CCBE1: variants seen among roughly 807,000 people sequenced by gnomAD.
CCBE1 encodes the protein collagen and calcium binding EGF domains 1, also known as collagen and calcium-binding EGF domain-containing protein 1.
In CCBE1, 37 loss-of-function variants were observed where a neutral mutation model predicts 50.0. The observed-to-expected ratio is 0.74, with a 90% CI of 0.57 to 0.97. CCBE1 has a LOEUF of 0.97. Ranked by LOEUF, CCBE1 falls within the 50% of genes least tolerant of loss-of-function variation. The pLI is 0.00. For missense variants in CCBE1, 538 were observed against 523.8 expected (o/e 1.03, Z -0.26); for synonymous variants, 234 against 203.7 (o/e 1.15, Z -1.27).
intron 2 of CCBE1, among the ~76,000 whole-genome samples, chr18:59,580,065 TA>T (rs1403424911): frequency 6.6e-6 from 1 of 152,140 alleles, no homozygotes. Flanking sequence ...GGTCTAAGGG[TA>T]AAGGCAGTTG....
intron 2 of CCBE1, among the ~76,000 whole-genome samples, chr18:59,508,391 A>G (rs984055303): frequency 4.0e-5 from 6 of 151,790 alleles, no homozygotes; most frequent in Non-Finnish European, 7.4e-5. Flanking sequence ...TGAGGTCAGG[A>G]GTGAGACCAG....
At chr18:59,611,860 C>T (rs962270479) in intron 2 of CCBE1, among the ~76,000 whole-genome samples, 1 of 152,202 alleles carries the variant, frequency 6.6e-6, no homozygotes, top group African/African-American at 2.4e-5. Context: ...GCATCAAGTT[C>T]AGAGTTATAG....
intron 2 of CCBE1, among the ~76,000 whole-genome samples, chr18:59,648,823 G>A (rs1023689767): frequency 6.6e-6 from 1 of 152,156 alleles, no homozygotes; most frequent in African/African-American, 2.4e-5. Context: ...CTTTGAACAG[G>A]GCCCAACTGG....
chr18:59,656,075 G>A (rs954167551), intron 2 of CCBE1, among the ~76,000 whole-genome samples: 2 of 152,196 alleles, frequency 1.3e-5, no homozygotes, highest in Admixed American at 1.3e-4. Context: ...CAAGGAGGAG[G>A]AGGTTATCCT....
At chr18:59,550,437 G>A (rs1232047763) in intron 2 of CCBE1, among the ~76,000 whole-genome samples, 8 of 152,128 alleles carry the variant, frequency 5.3e-5, no homozygotes, top group Non-Finnish European at 8.8e-5. Context: ...AACTGGTGGC[G>A]TCGCTGCTCA....
chr18:59,691,712 T>C (rs2054736189), intron 2 of CCBE1, among the ~76,000 whole-genome samples: 1 of 152,170 alleles, frequency 6.6e-6, no homozygotes. Context: ...CTAGAGTTCT[T>C]CACAACTTTC....
intron 2 of CCBE1, among the ~76,000 whole-genome samples, chr18:59,621,741 G>A (rs2053712941): frequency 6.6e-6 from 1 of 152,192 alleles, no homozygotes; most frequent in Non-Finnish European, 1.5e-5. Flanking sequence ...TACATGGCCA[G>A]AGCCCTCGAT....
Position 59,435,674 on chromosome 18 carries a change from G to A in CCBE1, c.*234C>T. ...AGTTACAATGCAAACCACCCCAATG[G>A]ACTCTTAGTGAGAAGCAGGTAAATC... On this transcript the variant is annotated 3_prime_UTR_variant, in exon 11 of 11. Coordinates refer to ENST00000439986, the MANE Select transcript of CCBE1 (RefSeq NM_133459.4). 3.4e-6 allele frequency: 2 copies of A among 587,502 alleles called. No homozygotes were observed. Among genetic ancestry groups the A allele is most frequent in the South Asian group, 4.1e-5 (2 of 49,322 alleles). 36.4% of individuals were successfully genotyped at this position (587,502 alleles called of 1,614,324 possible).
intron 2 of CCBE1, among the ~76,000 whole-genome samples, chr18:59,575,828 C>A (rs538549728): frequency 1.3e-5 from 2 of 152,204 alleles, no homozygotes; most frequent in East Asian, 1.9e-4. Flanking sequence ...GGGTAAGAGC[C>A]CCTCCCACCT....
chr18:59,467,570 T>C (rs1384610053), intron 4 of CCBE1, among the ~76,000 whole-genome samples: 7 of 152,166 alleles, frequency 4.6e-5, no homozygotes, highest in Admixed American at 2.0e-4. Flanking sequence ...CAAGTCCCCA[T>C]GAAGAGCCCA....
At chr18:59,553,524 G>A (rs566146478) in intron 2 of CCBE1, among the ~76,000 whole-genome samples, 1 of 152,278 alleles carries the variant, frequency 6.6e-6, no homozygotes, top group Admixed American at 6.5e-5. Context: ...CGTAGCTGCT[G>A]GGAAATGTTG....
chr18:59,457,784 T>G (rs2143685511), intron 5 of CCBE1, among the ~76,000 whole-genome samples: 1 of 152,286 alleles, frequency 6.6e-6, no homozygotes, highest in African/African-American at 2.4e-5. Flanking sequence ...TTCCTTTGGG[T>G]TTTTTACCCC....
rs540872040 is a variant in CCBE1, at chr18:59,547,035, AAGAGAGGGGGAGAGAGGGGG to A, written c.213-66817_213-66798del. ...TGTGGTTAGAGGAATGGGAGAGAGA[AAGAGAGGGGGAGAGAGGGGG>A]AGAGAGGGGGAGAGAGGGGGAGAGA... On this transcript the variant is annotated intron_variant, in intron 2 of 10. Coordinates refer to ENST00000439986, the MANE Select transcript of CCBE1 (RefSeq NM_133459.4). Among the ~76,000 whole-genome samples, 343 of 77,860 alleles carry A rather than the reference AAGAGAGGGGGAGAGAGGGGG, an allele frequency of 4.4e-3. 9 individuals are homozygous for A. The highest frequency in any genetic ancestry group is 9.3e-3 in the South Asian group (16 of 1,722). 51.1% of individuals were successfully genotyped at this position (77,860 alleles called of 152,430 possible). A position where few individuals can be genotyped will look rare whatever the true frequency, so the allele number is the denominator to read the frequency against.
chr18:59,453,062 G>A (rs981339713), intron 6 of CCBE1, among the ~76,000 whole-genome samples: 2 of 152,172 alleles, frequency 1.3e-5, no homozygotes, highest in Admixed American at 1.3e-4. Context: ...AAAAAACATG[G>A]CAAGGAGATT....
intron 2 of CCBE1, among the ~76,000 whole-genome samples, chr18:59,527,201 A>G (rs1292325201): frequency 6.6e-6 from 1 of 152,234 alleles, no homozygotes; most frequent in Non-Finnish European, 1.5e-5. Flanking sequence ...GGGTGCATAT[A>G]TATTTAGGAT....
chr18:59,458,198 AT>A (rs368062277), intron 5 of CCBE1, among the ~76,000 whole-genome samples: 1 of 84,790 alleles, frequency 1.2e-5, no homozygotes. Flanking sequence ...CTTCCCATCC[AT>A]TCCATCTTCC....
chr18:59,575,400 G>C (rs1468690158), intron 2 of CCBE1, among the ~76,000 whole-genome samples: 2 of 152,132 alleles, frequency 1.3e-5, no homozygotes, highest in African/African-American at 4.8e-5. Flanking sequence ...CACTTTTCTA[G>C]GTTATCCACA....
intron 2 of CCBE1, among the ~76,000 whole-genome samples, chr18:59,678,226 C>A (rs1469983918): frequency 6.6e-6 from 1 of 152,110 alleles, no homozygotes; most frequent in Non-Finnish European, 1.5e-5. Context: ...GCGATGGAGG[C>A]AAAAACCAAA....
intron 2 of CCBE1, among the ~76,000 whole-genome samples, chr18:59,486,284 A>G (rs550831246): frequency 6.0e-4 from 91 of 151,774 alleles, no homozygotes; most frequent in Non-Finnish European, 1.2e-3. Flanking sequence ...GGCAAAAGCA[A>G]CTCTTCCCAG....
Sources: allele counts gnomAD v4.1 joint callset (sites outside exome capture counted in the v4.1 genomes callset), GRCh38; gene constraint gnomAD v4.1.1; transcripts MANE v1.5; gene names NCBI Gene and HGNC (gene_info 2026-07-23, HGNC 2026-07-21).